Variants in TRPC4 observed in about 807,000 individuals in gnomAD.
TRPC4 encodes the protein short transient receptor potential channel 4.
Under a neutral mutation model 99.4 loss-of-function variants are expected in TRPC4, and 49 were observed. That is an observed-to-expected ratio of 0.49 (90% CI 0.39 to 0.63). The LOEUF (loss-of-function observed/expected upper bound fraction) is 0.63, where lower values mean the gene tolerates loss of function less well. TRPC4 is among the 20% of genes least tolerant of loss of function. The probability of loss-of-function intolerance (pLI) is 0.00; values close to 1 mark genes in which losing one functional copy is unlikely to be tolerated. For missense variants in TRPC4, 898 were observed against 1,152.9 expected (o/e 0.78, Z 3.20); for synonymous variants, 454 against 425.9 (o/e 1.07, Z -0.81).
At chr13:37,825,833 A>T (rs1958188445) in intron 1 of TRPC4, among the ~76,000 whole-genome samples, 1 of 151,696 alleles carries the variant, frequency 6.6e-6, no homozygotes, top group South Asian at 2.1e-4. Flanking sequence ...ATCCTTGTTG[A>T]CTTTCTGTCT....
chr13:37,856,227 G>T (rs1047026463), intron 1 of TRPC4, among the ~76,000 whole-genome samples: 1 of 151,544 alleles, frequency 6.6e-6, no homozygotes, highest in African/African-American at 2.4e-5. Flanking sequence ...ATCATCAGTG[G>T]CTGTTATGAG....
intron 10 of TRPC4, 152 bp downstream of exon 10, chr13:37,638,888 T>C (rs1420261393): frequency 4.3e-6 from 3 of 705,422 alleles, no homozygotes; most frequent in East Asian, 5.2e-5. Context: ...TCTTTTCTTT[T>C]TACAGTTCTG....
At chr13:37,755,188 A>G (rs1956065294) in intron 2 of TRPC4, among the ~76,000 whole-genome samples, 1 of 152,070 alleles carries the variant, frequency 6.6e-6, no homozygotes, top group Admixed American at 6.6e-5. Flanking sequence ...ATTGAGTAAA[A>G]ACAATTTACT....
rs560188335 is a variant in TRPC4, at chr13:37,681,239, TAC to T, written c.1235-6874_1235-6873del. Among the ~76,000 whole-genome samples the T allele has an allele frequency of 7.9e-5, 12 of 152,304 alleles. 1 individual carries two copies. The South Asian group carries it at 2.5e-3, about 32-fold the overall frequency. ...AGCAAAACTCACAATGCTGATATAT[TAC>T]AATTCCTCTGGAGATCAAGGAGGAG... On this transcript the variant is annotated intron_variant, in intron 4 of 10. Coordinates refer to ENST00000379705, the MANE Select transcript of TRPC4 (RefSeq NM_016179.4).
intron 1 of TRPC4, among the ~76,000 whole-genome samples, chr13:37,845,540 T>C (rs1016842014): frequency 2.0e-5 from 3 of 152,010 alleles, no homozygotes; most frequent in African/African-American, 4.8e-5. Context: ...AAAGTTTCAA[T>C]AGCAGACTTG....
At chr13:37,804,867 T>G (rs1208351427) in intron 1 of TRPC4, among the ~76,000 whole-genome samples, 1 of 152,028 alleles carries the variant, frequency 6.6e-6, no homozygotes, top group Non-Finnish European at 1.5e-5. Flanking sequence ...TAAAGACACA[T>G]AAAAGATAAT....
At chr13:37,648,547 T>TA (rs906421779) in intron 8 of TRPC4, among the ~76,000 whole-genome samples, 74 of 142,464 alleles carry the variant, frequency 5.2e-4, no homozygotes, top group South Asian at 8.9e-4. Context: ...TATTAATGGT[T>TA]AAAAAAAAAA....
At chr13:37,682,198 T>C (rs1012334928) in intron 4 of TRPC4, among the ~76,000 whole-genome samples, 3 of 152,138 alleles carry the variant, frequency 2.0e-5, no homozygotes, top group African/African-American at 7.2e-5. Context: ...TATGGCAACC[T>C]CCAGGGGTCT....
chr13:37,690,933 T>A (rs1014533952), intron 4 of TRPC4, among the ~76,000 whole-genome samples: 4 of 152,050 alleles, frequency 2.6e-5, no homozygotes, highest in African/African-American at 9.7e-5. Flanking sequence ...AGCCAAATGA[T>A]GAGATAGATA....
chr13:37,738,656 A>G (rs1955480257), intron 3 of TRPC4, among the ~76,000 whole-genome samples: 1 of 152,176 alleles, frequency 6.6e-6, no homozygotes, highest in Non-Finnish European at 1.5e-5. Flanking sequence ...GATAAAACCC[A>G]TTGCAATAGA....
chr13:37,830,712 T>A (rs183909260), intron 1 of TRPC4, among the ~76,000 whole-genome samples: 5,024 of 142,884 alleles, frequency 0.035, 279 homozygotes, highest in African/African-American at 0.12. Flanking sequence ...AATTCCGTTT[T>A]AAAAAAAAAA....
chr13:37,731,406 C>T (rs940912905), intron 3 of TRPC4, among the ~76,000 whole-genome samples: 3 of 151,986 alleles, frequency 2.0e-5, no homozygotes, highest in African/African-American at 7.2e-5. Flanking sequence ...AAAATTAAAA[C>T]TCTTCCTCTA....
chr13:37,760,201 T>C (rs1956186904), intron 2 of TRPC4, among the ~76,000 whole-genome samples: 1 of 151,938 alleles, frequency 6.6e-6, no homozygotes, highest in South Asian at 2.1e-4. Context: ...TGCAAAATCC[T>C]CTATAATTAG....
chr13:37,700,622 C>T lies in TRPC4; in HGVS notation c.898-8287G>A, dbSNP rs575961852. ...TATTCCTTTTAACATAATATCAAGA[C>T]CTATAGTTTTAGAAAAAATTAAATT... On this transcript the variant is annotated intron_variant, in intron 3 of 10. Transcript: ENST00000379705. Among the ~76,000 whole-genome samples, 6 of 152,198 alleles carry T rather than the reference C, an allele frequency of 3.9e-5. No homozygotes were observed. In the South Asian group the frequency reaches 1.2e-3, roughly 32 times the overall value.
At chr13:37,716,639 T>C (rs1800615605) in intron 3 of TRPC4, among the ~76,000 whole-genome samples, 1 of 152,054 alleles carries the variant, frequency 6.6e-6, no homozygotes, top group South Asian at 2.1e-4. Flanking sequence ...TCTGAGGACA[T>C]AAAAGACATT....
intron 1 of TRPC4, among the ~76,000 whole-genome samples, chr13:37,812,856 T>G (rs1200224144): frequency 6.6e-6 from 1 of 151,878 alleles, no homozygotes; most frequent in Non-Finnish European, 1.5e-5. Flanking sequence ...GAAACAAATC[T>G]TAAATCAGCC....
At chr13:37,650,610 T>TCTCTCTACACACACAC (rs763182248) in intron 8 of TRPC4, among the ~76,000 whole-genome samples, 1 of 65,090 alleles carries the variant, frequency 1.5e-5, no homozygotes, top group African/African-American at 6.4e-5. Flanking sequence ...TCTCTCTCTC[T>TCTCTCTACACACACAC]ATACACACAC....
At chr13:37,747,591 A>AC in intron 2 of TRPC4, among the ~76,000 whole-genome samples, 1 of 152,120 alleles carries the variant, frequency 6.6e-6, no homozygotes. Context: ...TCAGAGGAAA[A>AC]CCATATGGAG....
rs942081048 is a variant in TRPC4 at position 37,634,477 on chromosome 13, G to T, written c.*2426C>A. Among the ~76,000 whole-genome samples the T allele has an allele frequency of 4.6e-5, 7 of 152,140 alleles. No individual in the cohort carries two copies. In the East Asian group the frequency reaches 1.4e-3, roughly 29 times the overall value. On this transcript the variant is annotated 3_prime_UTR_variant, in exon 11 of 11. Transcript: ENST00000379705. ...CCTTTCTAGGGCACTGAAAAGGAGGGTCTTACTTGCTCCAAATACATTCCT... is the reference window on the plus strand; with the variant it reads ...CCTTTCTAGGGCACTGAAAAGGAGGTTCTTACTTGCTCCAAATACATTCCT...
Sources: allele counts gnomAD v4.1 joint callset (sites outside exome capture counted in the v4.1 genomes callset), GRCh38; gene constraint gnomAD v4.1.1; transcripts MANE v1.5; gene names NCBI Gene and HGNC (gene_info 2026-07-23, HGNC 2026-07-21).